Variants in CTIF observed in about 807,000 individuals in gnomAD.
CTIF encodes CBP80/20-dependent translation initiation factor.
CTIF carries 21 observed loss-of-function variants against 66.0 expected under a neutral mutation model. That is an observed-to-expected ratio of 0.32 (90% CI 0.23 to 0.46). The LOEUF is 0.46. Ranked by LOEUF, CTIF falls within the 20% of genes least tolerant of loss-of-function variation. The probability of loss-of-function intolerance (pLI) is 1.00; values close to 1 mark genes in which losing one functional copy is unlikely to be tolerated. For missense variants in CTIF, 739 were observed against 812.7 expected (o/e 0.91, Z 1.10); for synonymous variants, 345 against 326.4 (o/e 1.06, Z -0.62).
At chr18:48,703,503 A>C (rs886815426) in intron 6 of CTIF, among the ~76,000 whole-genome samples, 1 of 152,216 alleles carries the variant, frequency 6.6e-6, no homozygotes, top group African/African-American at 2.4e-5. Context: ...TGTCTGTATA[A>C]TGCTTTCTTC....
chr18:48,643,263 T>C (rs2090966637), intron 3 of CTIF, among the ~76,000 whole-genome samples: 1 of 152,226 alleles, frequency 6.6e-6, no homozygotes, highest in Admixed American at 6.5e-5. Context: ...ATTTAACATG[T>C]ATACATGGGA....
chr18:48,730,747 C>CTG (rs2092449226), intron 7 of CTIF, among the ~76,000 whole-genome samples: 1 of 145,704 alleles, frequency 6.9e-6, no homozygotes, highest in African/African-American at 2.6e-5. Flanking sequence ...TGAGGAGCCC[C>CTG]CGCAGCTTGA....
chr18:48,671,294 T>G (rs1307713957), intron 6 of CTIF, among the ~76,000 whole-genome samples: 2 of 152,156 alleles, frequency 1.3e-5, no homozygotes, highest in Non-Finnish European at 2.9e-5. Context: ...ATACTTATAG[T>G]GCTGGACTTT....
chr18:48,702,382 C>T (rs541711191), intron 6 of CTIF, among the ~76,000 whole-genome samples: 5 of 152,322 alleles, frequency 3.3e-5, no homozygotes, highest in South Asian at 2.1e-4. Flanking sequence ...AAAATATTCA[C>T]GTGCACTTTT....
intron 7 of CTIF, among the ~76,000 whole-genome samples, chr18:48,734,197 G>A (rs2092479685): frequency 6.6e-6 from 1 of 152,212 alleles, no homozygotes; most frequent in East Asian, 1.9e-4. Context: ...AAGGAGTGGG[G>A]AGACCCTCGG....
At chr18:48,677,160 G>A (rs2091644486) in intron 6 of CTIF, among the ~76,000 whole-genome samples, 1 of 152,154 alleles carries the variant, frequency 6.6e-6, no homozygotes, top group Non-Finnish European at 1.5e-5. Flanking sequence ...CTAACTCACA[G>A]GCGTGAGGAT....
intron 9 of CTIF, among the ~76,000 whole-genome samples, chr18:48,791,815 G>A (rs1168583833): frequency 2.0e-5 from 3 of 152,182 alleles, no homozygotes; most frequent in Non-Finnish European, 4.4e-5. Flanking sequence ...GGCTGCTGGA[G>A]TCTATCTGTG....
chr18:48,626,000 C>CT (rs74174709), intron 2 of CTIF, among the ~76,000 whole-genome samples: 10,786 of 108,990 alleles, frequency 0.099, 808 homozygotes, highest in Non-Finnish European at 0.13. Flanking sequence ...CTTTTTCTTT[C>CT]TTTTTTTTTT....
intron 1 of CTIF, among the ~76,000 whole-genome samples, chr18:48,591,111 G>C (rs540124307): frequency 6.6e-6 from 1 of 152,212 alleles, no homozygotes; most frequent in African/African-American, 2.4e-5. Flanking sequence ...GCACGTCTCA[G>C]CTCCTGTCTA....
rs117575848 is a variant in CTIF at position 48,790,547 on chromosome 18, C to T, written c.1372-26674C>T. Among the ~76,000 whole-genome samples, 9 of 152,336 alleles carry T rather than the reference C, an allele frequency of 5.9e-5. No homozygotes were observed. The East Asian group carries it at 1.5e-3, about 26-fold the overall frequency. On this transcript the variant is annotated intron_variant, in intron 9 of 11. Coordinates refer to ENST00000256413, the MANE Select transcript of CTIF (RefSeq NM_014772.3). ...GCCCCCTCCCCATCCCCCGGACACA[C>T]GTACCCCACCAGGCCTGGAGACATT...
intron 9 of CTIF, among the ~76,000 whole-genome samples, chr18:48,770,678 CCTGAGGCAGCAACG>C (rs1910019459): frequency 6.6e-6 from 1 of 152,242 alleles, no homozygotes; most frequent in Non-Finnish European, 1.5e-5. Flanking sequence ...GATTTCTTGC[CCTGAGGCAGCAACG>C]CTGAGGCCTG....
At chr18:48,857,746 G>A (rs1384712347) in intron 11 of CTIF, 105 bp downstream of exon 11, 8 of 1,060,842 alleles carry the variant, frequency 7.5e-6, no homozygotes, top group Non-Finnish European at 8.2e-6. Context: ...ACAAGTCCAG[G>A]GGAAGGTAGG....
chr18:48,817,312 T>C lies in CTIF; in HGVS notation c.1463T>C (p.Met488Thr), dbSNP rs767040549. Residue 488 changes from methionine to threonine, a missense_variant, in exon 10 of 12, where the codon ATG becomes ACG. Physicochemically the swap from Met to Thr is moderately conservative, Grantham distance 81. Around this residue, in one of 2 missense-constraint regions of CTIF, gnomAD observed 210 missense variants for 292.3 expected, o/e 0.72. Coordinates refer to ENST00000256413, the MANE Select transcript of CTIF (RefSeq NM_014772.3). Reference protein sequence around the residue: ...ITFLCEVFGTMRSSTGEPFRV... With the variant: ...ITFLCEVFGTTRSSTGEPFRV... ...TTCCTGTGCGAGGTCTTCGGCACCA[T>C]GCGCAGCAGCACAGGCGAGCCCTTC... is the stretch of plus-strand genomic sequence containing the variant. 6.2e-7 allele frequency: 1 copy of C among 1,613,832 alleles called. No individual in the cohort carries two copies. The highest frequency in any genetic ancestry group is 8.5e-7 in the Non-Finnish European group (1 of 1,179,968).
intron 2 of CTIF, among the ~76,000 whole-genome samples, chr18:48,627,705 T>C (rs2090627850): frequency 6.9e-6 from 1 of 144,398 alleles, no homozygotes; most frequent in African/African-American, 2.6e-5. Context: ...GGCAAGAGAG[T>C]GAGACCCTGT....
chr18:48,803,928 G>A (rs1053914924), intron 9 of CTIF, among the ~76,000 whole-genome samples: 1 of 152,202 alleles, frequency 6.6e-6, no homozygotes, highest in African/African-American at 2.4e-5. Flanking sequence ...GGGAGAGAGG[G>A]GAGAGAAGGG....
intron 7 of CTIF, among the ~76,000 whole-genome samples, chr18:48,720,868 C>T (rs1250101319): frequency 6.6e-6 from 1 of 152,202 alleles, no homozygotes; most frequent in African/African-American, 2.4e-5. Flanking sequence ...TGGCCCACAA[C>T]TCACCCATGA....
intron 6 of CTIF, among the ~76,000 whole-genome samples, chr18:48,689,240 A>G (rs888966735): frequency 2.6e-5 from 4 of 152,202 alleles, no homozygotes; most frequent in African/African-American, 9.7e-5. Context: ...GGAGGCCACT[A>G]GCCACATGGC....
rs1009443667 is a variant in CTIF at position 48,805,756 on chromosome 18, G to A, written c.1372-11465G>A. On this transcript the variant is annotated intron_variant, in intron 9 of 11. Coordinates refer to ENST00000256413, the MANE Select transcript of CTIF (RefSeq NM_014772.3). ...CAGGAGTGAACTGTCAGCCACAAATGAAAGAAAAGATGAGACAGGCATACA... is the reference window on the plus strand; with the variant it reads ...CAGGAGTGAACTGTCAGCCACAAATAAAAGAAAAGATGAGACAGGCATACA... 3.3e-5 allele frequency among the ~76,000 whole-genome samples: 5 copies of A among 152,186 alleles called. No homozygotes were observed. The East Asian group carries it at 9.6e-4, about 29-fold the overall frequency.
chr18:48,756,727 C>A (rs977686997), intron 7 of CTIF, among the ~76,000 whole-genome samples: 1 of 152,200 alleles, frequency 6.6e-6, no homozygotes, highest in African/African-American at 2.4e-5. Flanking sequence ...CAGGAAGCAG[C>A]CTTTGAGCCA....
Sources: gnomAD v4.1 joint callset for allele counts (sites outside exome capture counted in the v4.1 genomes callset) on GRCh38, gnomAD v4.1.1 for gene constraint, gnomAD v4.1.1 regional missense constraint, MANE v1.5 for transcripts, NCBI Gene and HGNC (gene_info 2026-07-23, HGNC 2026-07-21) for gene names.